Variants in VSNL1 observed in about 807,000 individuals in gnomAD.
VSNL1 encodes the protein visinin-like protein 1.
Under a neutral mutation model 20.4 loss-of-function variants are expected in VSNL1, and 6 were observed. That is an observed-to-expected ratio of 0.29 (90% CI 0.16 to 0.58). The LOEUF (loss-of-function observed/expected upper bound fraction) is 0.58, where lower values mean the gene tolerates loss of function less well. Ranked by LOEUF, VSNL1 falls within the 20% of genes least tolerant of loss-of-function variation. VSNL1 has a pLI of 0.90. For missense variants in VSNL1, 100 were observed against 234.5 expected (o/e 0.43, Z 3.75); for synonymous variants, 93 against 86.4 (o/e 1.08, Z -0.42).
At chr2:17,631,303 C>T in intron 2 of VSNL1, among the ~76,000 whole-genome samples, 1 of 151,138 alleles carries the variant, frequency 6.6e-6, no homozygotes, top group Non-Finnish European at 1.5e-5. Flanking sequence ...AATTCTGATG[C>T]CTTGATCATA....
At chr2:17,585,110 C>G (rs1423981979) in intron 1 of VSNL1, among the ~76,000 whole-genome samples, 2 of 152,160 alleles carry the variant, frequency 1.3e-5, no homozygotes, top group Non-Finnish European at 2.9e-5. Flanking sequence ...TCTGTGCCCC[C>G]TCCTGTTTCA....
intron 2 of VSNL1, among the ~76,000 whole-genome samples, chr2:17,636,801 A>G (rs2103417591): frequency 6.6e-6 from 1 of 152,240 alleles, no homozygotes; most frequent in Non-Finnish European, 1.5e-5. Context: ...GGCTCATGAT[A>G]TCTTTTTATT....
intron 2 of VSNL1, among the ~76,000 whole-genome samples, chr2:17,648,732 C>T (rs1179761491): frequency 1.3e-5 from 2 of 152,332 alleles, no homozygotes; most frequent in African/African-American, 4.8e-5. Context: ...CTTCCCTTTC[C>T]TCCTTGTGTC....
intron 2 of VSNL1, among the ~76,000 whole-genome samples, chr2:17,637,398 C>T (rs1473891294): frequency 1.3e-5 from 2 of 152,214 alleles, no homozygotes; most frequent in African/African-American, 4.8e-5. Flanking sequence ...GGCCCTTGCT[C>T]CCCCTTAGGC....
At chr2:17,615,224 A>G (rs1665187386) in intron 2 of VSNL1, among the ~76,000 whole-genome samples, 1 of 152,188 alleles carries the variant, frequency 6.6e-6, no homozygotes, top group Admixed American at 6.5e-5. Flanking sequence ...CTCTCTTCAT[A>G]GCGTTTACTT....
At chr2:17,594,789 G>A (rs940666599) in intron 2 of VSNL1, among the ~76,000 whole-genome samples, 1 of 152,232 alleles carries the variant, frequency 6.6e-6, no homozygotes, top group Non-Finnish European at 1.5e-5. Flanking sequence ...TTAAGGAGGA[G>A]CAGGATAATG....
intron 2 of VSNL1, among the ~76,000 whole-genome samples, chr2:17,624,374 G>A (rs1665454788): frequency 6.6e-6 from 1 of 152,170 alleles, no homozygotes; most frequent in African/African-American, 2.4e-5. Flanking sequence ...GCAGAAAAAT[G>A]TGTCCCCCCT....
chr2:17,569,857 T>C (rs1364569993), intron 1 of VSNL1, among the ~76,000 whole-genome samples: 1 of 152,236 alleles, frequency 6.6e-6, no homozygotes, highest in Non-Finnish European at 1.5e-5. Flanking sequence ...GAATTTGTAA[T>C]TGCCAGAGCT....
chr2:17,608,290 A>T (rs1385784307), intron 2 of VSNL1, among the ~76,000 whole-genome samples: 1 of 152,248 alleles, frequency 6.6e-6, no homozygotes, highest in Non-Finnish European at 1.5e-5. Context: ...TCAAGGTAGT[A>T]CTTATTTTTA....
Position 17,655,493 on chromosome 2 carries a change from AC to A in VSNL1, c.*100del. The stretch of plus-strand genomic sequence containing the variant: ...CACACACACACACACACACACACAC[AC>A]ACACACAAATATTGCTTGGACTACC... On this transcript the variant is annotated 3_prime_UTR_variant, in exon 4 of 4. Coordinates refer to ENST00000295156, the MANE Select transcript of VSNL1 (RefSeq NM_003385.5). The surrounding 1 kb of genome is among the most constrained non-coding windows in gnomAD (Gnocchi z 5.2). 4.5e-6 allele frequency: 5 copies of A among 1,109,106 alleles called. No homozygotes were observed. Among genetic ancestry groups the A allele is most frequent in the East Asian group, 5.0e-5 (2 of 39,840 alleles). 68.7% of individuals were successfully genotyped at this position (1,109,106 alleles called of 1,614,324 possible).
chr2:17,551,346 G>C (rs1197973151), intron 1 of VSNL1, among the ~76,000 whole-genome samples: 1 of 152,150 alleles, frequency 6.6e-6, no homozygotes, highest in East Asian at 1.9e-4. Flanking sequence ...AATTGGTATA[G>C]TGGAAATTTA....
intron 2 of VSNL1, among the ~76,000 whole-genome samples, chr2:17,601,791 T>C (rs1031249736): frequency 6.6e-6 from 1 of 151,630 alleles, no homozygotes; most frequent in Non-Finnish European, 1.5e-5. Flanking sequence ...AAAAATTAGC[T>C]GGGTGTGGTG....
At chr2:17,570,263 G>T (rs1664049413) in intron 1 of VSNL1, among the ~76,000 whole-genome samples, 1 of 152,136 alleles carries the variant, frequency 6.6e-6, no homozygotes. Context: ...CCCTACATGC[G>T]TAGGGTAGAA....
chr2:17,606,920 C>G (rs780445383), intron 2 of VSNL1, among the ~76,000 whole-genome samples: 2 of 152,132 alleles, frequency 1.3e-5, no homozygotes, highest in Admixed American at 1.3e-4. Flanking sequence ...TCCAGACAAG[C>G]CTGCTGGATT....
At chr2:17,588,720 A>G (rs1664531521) in intron 1 of VSNL1, among the ~76,000 whole-genome samples, 1 of 152,216 alleles carries the variant, frequency 6.6e-6, no homozygotes, top group Admixed American at 6.5e-5. Context: ...TTTAATGATG[A>G]AGACAATCTC....
intron 1 of VSNL1, among the ~76,000 whole-genome samples, chr2:17,586,419 A>C (rs1304926843): frequency 6.6e-6 from 1 of 152,190 alleles, no homozygotes; most frequent in African/African-American, 2.4e-5. Context: ...TTTAGGAAAG[A>C]CTGCTTAAGA....
chr2:17,550,704 G>A (rs946888101), intron 1 of VSNL1, among the ~76,000 whole-genome samples: 2 of 152,150 alleles, frequency 1.3e-5, no homozygotes, highest in African/African-American at 4.8e-5. Flanking sequence ...ACATATGCAT[G>A]CAAACACAGG....
At chr2:17,632,436 G>T (rs1199015667) in intron 2 of VSNL1, among the ~76,000 whole-genome samples, 1 of 152,130 alleles carries the variant, frequency 6.6e-6, no homozygotes, top group Non-Finnish European at 1.5e-5. Flanking sequence ...AAGTAGCTGG[G>T]ATTACAGGCA....
chr2:17,598,479 G>T (rs1664757854), intron 2 of VSNL1, among the ~76,000 whole-genome samples: 1 of 152,200 alleles, frequency 6.6e-6, no homozygotes, highest in Non-Finnish European at 1.5e-5. Flanking sequence ...TCCTCAGGTT[G>T]CTAGTTCACT....
Sources: gnomAD v4.1 joint callset for allele counts (sites outside exome capture counted in the v4.1 genomes callset) on GRCh38, gnomAD v4.1.1 for gene constraint, Gnocchi (gnomAD v3.1) non-coding constraint, MANE v1.5 for transcripts, NCBI Gene and HGNC (gene_info 2026-07-23, HGNC 2026-07-21) for gene names.